MLLT11: variants seen among roughly 807,000 people sequenced by gnomAD.
MLLT11 encodes the protein MLLT11 transcription factor 7 cofactor.
In MLLT11, 1 loss-of-function variant was observed where a neutral mutation model predicts 5.3. The observed-to-expected ratio is 0.19, with a 90% CI of 0.07 to 0.89. The LOEUF (loss-of-function observed/expected upper bound fraction) is 0.89, where lower values mean the gene tolerates loss of function less well. Among genes scored for constraint, MLLT11 ranks in the 40% least tolerant of loss-of-function variants. MLLT11 has a pLI of 0.67. For synonymous variants in MLLT11, 38 were observed against 41.7 expected (o/e 0.91, Z 0.34); for missense variants, 87 against 107.3 (o/e 0.81, Z 0.83).
At chr1:151,067,156 GA>G in intron 1 of MLLT11, 62 bp from the exon 2 acceptor site, 1 of 1,450,626 alleles carries the variant, frequency 6.9e-7, no homozygotes, top group Non-Finnish European at 9.5e-7. Flanking sequence ...TCTAAGCAAG[GA>G]AAGGCCATGG....
intron 1 of MLLT11, among the ~76,000 whole-genome samples, chr1:151,062,875 G>A (rs752287611): frequency 6.6e-6 from 1 of 152,164 alleles, no homozygotes; most frequent in East Asian, 1.9e-4. Context: ...AGCAGTGGGT[G>A]GTTGGTTAAT....
At chr1:151,062,906 GCT>G (rs1305853122) in intron 1 of MLLT11, among the ~76,000 whole-genome samples, 2 of 151,972 alleles carry the variant, frequency 1.3e-5, no homozygotes, top group African/African-American at 4.8e-5. Context: ...ATTTTTTGTA[GCT>G]CTCTTTCTGC....
At chr1:151,061,182 A>G (rs888181690) in intron 1 of MLLT11, among the ~76,000 whole-genome samples, 18 of 152,156 alleles carry the variant, frequency 1.2e-4, no homozygotes, top group Non-Finnish European at 2.1e-4. Context: ...GAAAAGAATG[A>G]TTTGCAGCTC....
intron 1 of MLLT11, 68 bp from the exon 2 acceptor site, chr1:151,067,151 G>T: frequency 7.2e-7 from 1 of 1,386,730 alleles, no homozygotes; most frequent in Non-Finnish European, 1.0e-6. Context: ...GAGTATCTAA[G>T]CAAGGAAAGG....
intron 1 of MLLT11, among the ~76,000 whole-genome samples, chr1:151,066,083 G>T (rs754966830): frequency 6.6e-6 from 1 of 152,040 alleles, no homozygotes; most frequent in African/African-American, 2.4e-5. Flanking sequence ...CAAGTCATCC[G>T]CCTGCCTTAG....
chr1:151,067,580 A>C lies in MLLT11; in HGVS notation c.*83A>C. Reference sequence around the variant, plus strand: ...TCCTTTCCACTCCTTTCCCATTTTAATCTTGTTCTCTCCCTACTGTGTTGG... The same window carrying C: ...TCCTTTCCACTCCTTTCCCATTTTACTCTTGTTCTCTCCCTACTGTGTTGG... On this transcript the variant is annotated 3_prime_UTR_variant, in exon 2 of 2. Coordinates refer to ENST00000368921, the MANE Select transcript of MLLT11 (RefSeq NM_006818.4). 7.0e-7 allele frequency: 1 copy of C among 1,430,592 alleles called. No individual in the cohort carries two copies. Among genetic ancestry groups the C allele is most frequent in the South Asian group, 1.3e-5 (1 of 78,684 alleles). The allele number at this position is 1,430,592 out of a possible 1,614,324, so 88.6% of individuals were successfully genotyped here.
intron 1 of MLLT11, among the ~76,000 whole-genome samples, chr1:151,062,312 C>A (rs1676417182): frequency 6.6e-6 from 1 of 151,714 alleles, no homozygotes; most frequent in Admixed American, 6.6e-5. Context: ...TCATTAATTT[C>A]TAAGATGTCT....
In MLLT11 at chr1:151,069,303, T is replaced by C. The variant is rs1448568871; in HGVS notation, c.*1806T>C. 6.6e-6 allele frequency among the ~76,000 whole-genome samples: 1 copy of C among 151,822 alleles called. No homozygotes were observed. Among genetic ancestry groups the C allele is most frequent in the Admixed American group, 6.6e-5 (1 of 15,240 alleles). ...AATAAGGATGACACTATACCCTAAA[T>C]AAGGATGATCTAGAGAAGTCCCCAG... On this transcript the variant is annotated 3_prime_UTR_variant, in exon 2 of 2. Coordinates refer to ENST00000368921, the MANE Select transcript of MLLT11 (RefSeq NM_006818.4).
chr1:151,067,115 A>AG, intron 1 of MLLT11, 104 bp from the exon 2 acceptor site: 1 of 969,926 alleles, frequency 1.0e-6, no homozygotes, highest in Non-Finnish European at 1.5e-6. Flanking sequence ...AAAAAAAAAA[A>AG]AGAAATTCCT....
intron 1 of MLLT11, among the ~76,000 whole-genome samples, chr1:151,065,183 T>C (rs1476793873): frequency 6.6e-6 from 1 of 152,202 alleles, no homozygotes; most frequent in Non-Finnish European, 1.5e-5. Context: ...TAGTCTTATT[T>C]TATGTTCTTG....
intron 1 of MLLT11, 49 bp from the exon 2 acceptor site, chr1:151,067,170 C>G: frequency 6.4e-7 from 1 of 1,551,712 alleles, no homozygotes; most frequent in Non-Finnish European, 8.8e-7. Flanking sequence ...GGCCATGGGC[C>G]ACAAAGAAGT....
chr1:151,067,136 A>T, intron 1 of MLLT11, 83 bp from the exon 2 acceptor site: 1 of 1,115,068 alleles, frequency 9.0e-7, no homozygotes, highest in Non-Finnish European at 1.3e-6. Context: ...TTTTACCAGT[A>T]TGTGGAGTAT....
intron 1 of MLLT11, among the ~76,000 whole-genome samples, chr1:151,064,024 A>AT (rs775117023): frequency 1.8e-4 from 14 of 79,688 alleles, no homozygotes; most frequent in Admixed American, 5.8e-4. Context: ...TTATTTATTT[A>AT]TTATTACTTT....
chr1:151,067,161 G>A, intron 1 of MLLT11, 58 bp from the exon 2 acceptor site: 1 of 1,492,308 alleles, frequency 6.7e-7, no homozygotes, highest in Middle Eastern at 1.8e-4. Flanking sequence ...GCAAGGAAAG[G>A]CCATGGGCCA....
In MLLT11 at chr1:151,068,654, C is replaced by T. The variant is rs992488047; in HGVS notation, c.*1157C>T. 6.6e-6 allele frequency among the ~76,000 whole-genome samples: 1 copy of T among 152,100 alleles called. No individual in the cohort carries two copies. The highest frequency in any genetic ancestry group is 2.1e-4 in the South Asian group (1 of 4,820). The stretch of plus-strand genomic sequence containing the variant: ...GCTGGAGTGCAGTGGCGGGGATCAC[C>T]GCTCACTGCAACCTCCACCCACCAG... On this transcript the variant is annotated 3_prime_UTR_variant, in exon 2 of 2. Transcript: ENST00000368921.
chr1:151,063,969 A>G (rs1381123083), intron 1 of MLLT11, among the ~76,000 whole-genome samples: 2 of 152,172 alleles, frequency 1.3e-5, no homozygotes, highest in Non-Finnish European at 2.9e-5. Flanking sequence ...GAGCACTGGG[A>G]TCAGAGAAAA....
Position 151,067,234 on chromosome 1 carries a change from C to G in MLLT11, c.10C>G (p.Pro4Ala), listed in dbSNP as rs769300631. 6.2e-7 allele frequency: 1 copy of G among 1,613,700 alleles called. No homozygotes were observed. The highest frequency in any genetic ancestry group is 1.7e-5 in the Admixed American group (1 of 59,942). Reference sequence around the variant, plus strand: ...TTCTTTCTAGGAAGCTATGAGGGACCCTGTGAGTAGCCAGTACAGTTCCTT... The same window carrying G: ...TTCTTTCTAGGAAGCTATGAGGGACGCTGTGAGTAGCCAGTACAGTTCCTT... Reference protein sequence around the residue: MRDPVSSQYSSFLF... With the variant: MRDAVSSQYSSFLF... The change falls in exon 2 of 2, where the codon CCT becomes GCT. Residue 4 changes from proline (P) to alanine (A), a missense_variant. Pro to Ala is a conservative substitution (Grantham distance 27). Coordinates refer to ENST00000368921, the MANE Select transcript of MLLT11 (RefSeq NM_006818.4).
At position 151,067,320 on chromosome 1, in the gene MLLT11, G is replaced by A; in HGVS notation, c.96G>A (p.Leu32=). Residue 32 remains leucine (L), a synonymous_variant, in exon 2 of 2, where the codon CTG becomes CTA. Coordinates refer to ENST00000368921, the MANE Select transcript of MLLT11 (RefSeq NM_006818.4). The part of the protein sequence containing the change: ...LDLSELEGLG[L]SDTATYKVKD... ...TGTCGGAGCTGGAAGGCCTGGGTCTGTCAGATACAGCCACCTACAAGGTCA... is the reference window on the plus strand; with the variant it reads ...TGTCGGAGCTGGAAGGCCTGGGTCTATCAGATACAGCCACCTACAAGGTCA... 1 of 1,614,112 alleles carries A rather than the reference G, an allele frequency of 6.2e-7. No individual in the cohort carries two copies. The highest frequency in any genetic ancestry group is 8.5e-7 in the Non-Finnish European group (1 of 1,180,036).
At position 151,067,442 on chromosome 1, in the gene MLLT11, A is replaced by G; in HGVS notation, c.218A>G (p.Asn73Ser). 5.6e-6 allele frequency: 9 copies of G among 1,614,160 alleles called. No individual in the cohort carries two copies. The highest frequency in any genetic ancestry group is 7.6e-6 in the Non-Finnish European group (9 of 1,180,028). Reference sequence around the variant, plus strand: ...GGCCTCCTTGAGTACAGCACCTTCAACTTCTGGAGAGCTCCCATTGCCAGC... The same window carrying G: ...GGCCTCCTTGAGTACAGCACCTTCAGCTTCTGGAGAGCTCCCATTGCCAGC... ...GDGLLEYSTF[N>S]FWRAPIASIH... The change falls in exon 2 of 2, where the codon AAC becomes AGC. Residue 73 changes from asparagine (N) to serine (S), a missense_variant. Transcript: ENST00000368921.
Sources: gnomAD v4.1 joint callset for allele counts (sites outside exome capture counted in the v4.1 genomes callset) on GRCh38, gnomAD v4.1.1 for gene constraint, MANE v1.5 for transcripts, NCBI Gene and HGNC (gene_info 2026-07-23, HGNC 2026-07-21) for gene names.